SERGEF: variants seen among roughly 807,000 people sequenced by gnomAD.
The protein encoded by SERGEF is secretion-regulating guanine nucleotide exchange factor.
SERGEF carries 51 observed loss-of-function variants against 50.0 expected under a neutral mutation model. That is an observed-to-expected ratio of 1.02 (90% CI 0.81 to 1.29). The LOEUF is 1.29. Ranked by LOEUF, SERGEF falls within the 50% of genes most tolerant of loss-of-function variation. The pLI is 0.00. For missense variants in SERGEF, 521 were observed against 557.0 expected (o/e 0.94, Z 0.65); for synonymous variants, 205 against 212.4 (o/e 0.97, Z 0.30).
chr11:17,940,141 C>T (rs570509064), intron 9 of SERGEF, among the ~76,000 whole-genome samples: 13 of 152,272 alleles, frequency 8.5e-5, no homozygotes, highest in African/African-American at 3.1e-4. Context: ...AGCAAATGAA[C>T]TGAGTCCAGT....
intron 10 of SERGEF, among the ~76,000 whole-genome samples, chr11:17,850,402 C>G (rs1038135311): frequency 1.3e-5 from 2 of 152,178 alleles, no homozygotes; most frequent in Non-Finnish European, 2.9e-5. Context: ...CCAACACACA[C>G]GTACACATAC....
intron 10 of SERGEF, chr11:17,855,430 C>G (rs528110957): frequency 6.6e-6 from 1 of 152,254 alleles, no homozygotes; most frequent in South Asian, 2.1e-4. Flanking sequence ...CAGTAGTGCC[C>G]CCTTATCTTC....
intron 9 of SERGEF, among the ~76,000 whole-genome samples, chr11:17,891,166 C>T (rs1253974331): frequency 6.6e-6 from 1 of 152,094 alleles, no homozygotes; most frequent in Non-Finnish European, 1.5e-5. Flanking sequence ...ATGAGATGCT[C>T]TGGACTCAAC....
intron 10 of SERGEF, among the ~76,000 whole-genome samples, chr11:17,868,371 C>T (rs1289043598): frequency 1.3e-5 from 2 of 152,212 alleles, no homozygotes; most frequent in Middle Eastern, 3.2e-3. Context: ...CAACAAGGAT[C>T]ACCTTTACTC....
chr11:17,896,559 G>C (rs1590183247), intron 9 of SERGEF, among the ~76,000 whole-genome samples: 1 of 95,078 alleles, frequency 1.1e-5, no homozygotes, highest in Non-Finnish European at 2.1e-5. Flanking sequence ...GGAAGGGGAA[G>C]GGAAGGGAAG....
intron 10 of SERGEF, among the ~76,000 whole-genome samples, chr11:17,795,501 T>A (rs1448180440): frequency 6.6e-6 from 1 of 152,162 alleles, no homozygotes; most frequent in African/African-American, 2.4e-5. Context: ...GGTCCTCCCA[T>A]GGAAAATTTC....
At chr11:17,817,961 G>C (rs911664363) in intron 10 of SERGEF, among the ~76,000 whole-genome samples, 4 of 152,176 alleles carry the variant, frequency 2.6e-5, no homozygotes, top group Non-Finnish European at 4.4e-5. Flanking sequence ...CATCAGGAAG[G>C]CTCTTCCAGC....
chr11:17,909,224 T>C (rs983524280), intron 9 of SERGEF, among the ~76,000 whole-genome samples: 1 of 152,246 alleles, frequency 6.6e-6, no homozygotes, highest in Non-Finnish European at 1.5e-5. Flanking sequence ...AAAATGGGCA[T>C]ATGATACCTA....
chr11:17,928,676 C>T (rs1405866911), intron 9 of SERGEF, among the ~76,000 whole-genome samples: 1 of 152,088 alleles, frequency 6.6e-6, no homozygotes, highest in African/African-American at 2.4e-5. Flanking sequence ...CGCTTGGTTT[C>T]ATCAGTGTCA....
In SERGEF at chr11:17,988,627, T is replaced by G; in HGVS notation, c.814A>C (p.Ser272Arg). The G allele has an allele frequency of 1.2e-6, 2 of 1,614,120 alleles. No homozygotes were observed. Among genetic ancestry groups the G allele is most frequent in the South Asian group, 2.2e-5 (2 of 91,068 alleles). The change falls in exon 8 of 11, where the codon AGT becomes CGT. Residue 272 changes from serine to arginine, a missense_variant. By Grantham distance (110) the Ser-to-Arg change is moderately radical. Coordinates refer to ENST00000265965, the MANE Select transcript of SERGEF (RefSeq NM_012139.4). Reference protein sequence around the residue: ...FQNEKVTAIWSGWTHLVAQTE... With the variant: ...FQNEKVTAIWRGWTHLVAQTE... ...TGAGCAACCAGGTGTGTCCATCCAC[T>G]CCAGATGGCAGTGACCTTTTCATTC...
At chr11:17,970,422 A>G (rs951387369) in intron 8 of SERGEF, among the ~76,000 whole-genome samples, 2 of 152,112 alleles carry the variant, frequency 1.3e-5, no homozygotes, top group African/African-American at 4.8e-5. Context: ...CCCTCTCCTC[A>G]GGCCTCCCTA....
chr11:17,915,229 C>A (rs11606400), intron 9 of SERGEF, among the ~76,000 whole-genome samples: 1 of 152,176 alleles, frequency 6.6e-6, no homozygotes, highest in Non-Finnish European at 1.5e-5. Flanking sequence ...AGGGCAGTAC[C>A]TGAAATATAC....
chr11:17,982,703 C>T (rs1007304372), intron 8 of SERGEF, among the ~76,000 whole-genome samples: 1 of 152,200 alleles, frequency 6.6e-6, no homozygotes, highest in African/African-American at 2.4e-5. Flanking sequence ...GAATCAATGG[C>T]TGGGCTTGAA....
intron 10 of SERGEF, among the ~76,000 whole-genome samples, chr11:17,869,450 C>T (rs61509203): frequency 0.17 from 25,932 of 152,018 alleles, 2,465 homozygotes; most frequent in Middle Eastern, 0.26. Flanking sequence ...TACCTTAGAC[C>T]GGAAAATGTA....
At chr11:17,903,402 TC>T (rs1442275785) in intron 9 of SERGEF, among the ~76,000 whole-genome samples, 1 of 152,168 alleles carries the variant, frequency 6.6e-6, no homozygotes, top group Non-Finnish European at 1.5e-5. Flanking sequence ...AGATAATTAA[TC>T]TTCAAGGCAA....
chr11:17,814,757 C>A (rs758371776), intron 10 of SERGEF, among the ~76,000 whole-genome samples: 4 of 152,204 alleles, frequency 2.6e-5, no homozygotes, highest in Non-Finnish European at 5.9e-5. Context: ...GGACAGAATT[C>A]CTGGCCAAAG....
intron 2 of SERGEF, among the ~76,000 whole-genome samples, chr11:18,007,160 GA>G (rs1463811900): frequency 1.3e-5 from 2 of 152,190 alleles, no homozygotes; most frequent in African/African-American, 2.4e-5. Context: ...TTTTAAATGA[GA>G]AAAAGATAAT....
intron 10 of SERGEF, among the ~76,000 whole-genome samples, chr11:17,829,047 C>T (rs556689031): frequency 2.6e-4 from 39 of 152,328 alleles, no homozygotes; most frequent in Admixed American, 3.9e-4. Flanking sequence ...CTTCCTTCTT[C>T]ACAACCATGA....
At chr11:17,821,935 G>A (rs1045128330) in intron 10 of SERGEF, among the ~76,000 whole-genome samples, 1 of 152,100 alleles carries the variant, frequency 6.6e-6, no homozygotes, top group African/African-American at 2.4e-5. Flanking sequence ...CACTGAAAGG[G>A]CAATTCTCCC....
Sources: allele counts gnomAD v4.1 joint callset (sites outside exome capture counted in the v4.1 genomes callset), GRCh38; gene constraint gnomAD v4.1.1; transcripts MANE v1.5; gene names NCBI Gene and HGNC (gene_info 2026-07-23, HGNC 2026-07-21).